SYBU: variants seen among roughly 807,000 people sequenced by gnomAD.
The protein encoded by SYBU is GOLSYN A protein.
A neutral mutation model predicts 35.9 loss-of-function variants in SYBU; 21 were observed. That is an observed-to-expected ratio of 0.58 (90% confidence interval 0.41 to 0.84). The LOEUF (loss-of-function observed/expected upper bound fraction) is 0.84. Among genes scored for constraint, SYBU ranks in the 40% least tolerant of loss-of-function variants. The probability of loss-of-function intolerance (pLI) is 0.00; values close to 1 mark genes in which losing one functional copy is unlikely to be tolerated. For missense variants in SYBU, 768 were observed against 848.2 expected, an observed-to-expected ratio of 0.91 and a Z score of 1.17; for synonymous variants, 319 against 324.3, an observed-to-expected ratio of 0.98 and a Z score of 0.18.
At chr8:109,673,195 T>C (rs1220118010) in intron 1 of SYBU, among the ~76,000 whole-genome samples, 1 of 152,176 alleles carries the variant, frequency 6.6e-6, no homozygotes, top group Non-Finnish European at 1.5e-5. Flanking sequence ...AGGGACAGAC[T>C]GCCTCCTCAA....
Position 109,575,822 on chromosome 8 carries a change from A to G in SYBU, c.1076T>C (p.Phe359Ser). 6.2e-7 allele frequency: 1 copy of G among 1,614,086 alleles called. No individual in the cohort carries two copies. The change falls in exon 7 of 7, where the codon TTT becomes TCT. Residue 359 changes from phenylalanine (F) to serine (S), a missense_variant. Transcript: ENST00000276646. ...CTTGTTTTGGATGTTTATGTCCACA[A>G]AATATTTCTGAATGCCTTTATCTTT... ...ADKDKGIQKYFVDINIQNKKL... is the reference protein window; with the variant it reads ...ADKDKGIQKYSVDINIQNKKL...
In SYBU at chr8:109,642,835, A is replaced by G; in HGVS notation, c.122T>C (p.Val41Ala). ...RPHMPQQQHK[V>A]SPASESPFSE... ...GAAAGGAGACTCAGAGGCTGGGGAC[A>G]CTTTGTGCTGTTGTTGGGGCATATG... The change falls in exon 2 of 7, where the codon GTG (valine) becomes GCG (alanine). Residue 41 changes from valine (V) to alanine (A), a missense_variant. Coordinates refer to ENST00000276646, the MANE Select transcript of SYBU (RefSeq NM_001099754.2). 6.2e-7 allele frequency: 1 copy of G among 1,612,928 alleles called. No homozygotes were observed.
At position 109,619,926 on chromosome 8, in the gene SYBU, A is replaced by G. The variant is rs114665137; in HGVS notation, c.230-887T>C. On this transcript the variant is annotated intron_variant, in intron 2 of 6. Coordinates refer to ENST00000276646, the MANE Select transcript of SYBU (RefSeq NM_001099754.2). ...TCTGGAGTAAACTGGTAAGATGAAAATGATTTTTAGACTAGAAATGTTCCT... is the reference window on the plus strand; with the variant it reads ...TCTGGAGTAAACTGGTAAGATGAAAGTGATTTTTAGACTAGAAATGTTCCT... 8.2e-3 allele frequency among the ~76,000 whole-genome samples: 1,247 copies of G among 152,342 alleles called. 9 individuals carry two copies. The highest frequency in any genetic ancestry group is 0.029 in the African/African-American group (1,189 of 41,580).
intron 1 of SYBU, among the ~76,000 whole-genome samples, chr8:109,690,272 C>G (rs1423446614): frequency 6.6e-6 from 1 of 152,182 alleles, no homozygotes; most frequent in Non-Finnish European, 1.5e-5. Context: ...CTACTGCTCT[C>G]CAAATGTACA....
At chr8:109,686,230 G>C (rs1468225790) in intron 1 of SYBU, among the ~76,000 whole-genome samples, 2 of 150,912 alleles carry the variant, frequency 1.3e-5, no homozygotes, top group African/African-American at 4.9e-5. Context: ...AGCACCCCCC[G>C]ACAGCCTTAC....
chr8:109,605,523 G>A (rs1054448007), intron 3 of SYBU, among the ~76,000 whole-genome samples: 4 of 152,050 alleles, frequency 2.6e-5, no homozygotes, highest in East Asian at 1.9e-4. Flanking sequence ...CACATGCCAC[G>A]TTCTTTCCAG....
At chr8:109,658,986 A>AC (rs1301407209) in intron 1 of SYBU, among the ~76,000 whole-genome samples, 3 of 152,034 alleles carry the variant, frequency 2.0e-5, no homozygotes, top group Non-Finnish European at 2.9e-5. Flanking sequence ...AACAACAACA[A>AC]AAAAAACCTT....
At chr8:109,630,900 A>T (rs1014851066) in intron 2 of SYBU, among the ~76,000 whole-genome samples, 36 of 152,310 alleles carry the variant, frequency 2.4e-4, no homozygotes, top group African/African-American at 8.7e-4. Context: ...GGACAGGAGA[A>T]GAGGCCAACA....
At chr8:109,600,606 G>GT (rs1241006791) in intron 3 of SYBU, among the ~76,000 whole-genome samples, 1 of 152,192 alleles carries the variant, frequency 6.6e-6, no homozygotes, top group Non-Finnish European at 1.5e-5. Context: ...AGGATGGGAG[G>GT]TAGAAGATTG....
At chr8:109,661,591 T>C (rs1816561392) in intron 1 of SYBU, among the ~76,000 whole-genome samples, 1 of 152,132 alleles carries the variant, frequency 6.6e-6, no homozygotes, top group African/African-American at 2.4e-5. Flanking sequence ...GCAAAAGAAA[T>C]GCAGATTGAA....
upstream of SYBU, chr8:109,648,598 A>C (rs1563764022): frequency 6.6e-6 from 1 of 152,170 alleles, no homozygotes; most frequent in Admixed American, 6.5e-5. Flanking sequence ...CAGAGAAGAC[A>C]ATACAAATGC....
intron 3 of SYBU, among the ~76,000 whole-genome samples, chr8:109,611,146 G>A (rs1811122104): frequency 6.6e-6 from 1 of 152,198 alleles, no homozygotes; most frequent in African/African-American, 2.4e-5. Flanking sequence ...CTGGTCTGCT[G>A]GAGCTTCCAC....
At chr8:109,643,813 G>A (rs1301179406) in intron 1 of SYBU, 2 of 334,362 alleles carry the variant, frequency 6.0e-6, no homozygotes, top group Non-Finnish European at 5.9e-6. Flanking sequence ...GAGGAAACAG[G>A]CTAAATGGGG....
chr8:109,656,035 G>A (rs1816340243), intron 1 of SYBU, among the ~76,000 whole-genome samples: 1 of 152,018 alleles, frequency 6.6e-6, no homozygotes, highest in Non-Finnish European at 1.5e-5. Context: ...AGAATCGCTT[G>A]AACCCAGGAA....
intron 4 of SYBU, chr8:109,585,726 G>GA (rs1823534532): frequency 4.7e-6 from 1 of 214,252 alleles, no homozygotes; most frequent in African/African-American, 2.3e-5. Flanking sequence ...TCACAGAGGG[G>GA]AGGTAGGAGG....
intron 3 of SYBU, among the ~76,000 whole-genome samples, chr8:109,592,798 C>T (rs995504851): frequency 1.3e-5 from 2 of 152,152 alleles, no homozygotes; most frequent in Non-Finnish European, 2.9e-5. Context: ...TTATCTAAGC[C>T]TTACTTATAT....
chr8:109,652,383 C>G (rs1240886245), intron 1 of SYBU, among the ~76,000 whole-genome samples: 1 of 146,042 alleles, frequency 6.8e-6, no homozygotes, highest in Non-Finnish European at 1.5e-5. Context: ...TCTACTCTCT[C>G]TCTCTCTCCC....
intron 3 of SYBU, among the ~76,000 whole-genome samples, chr8:109,616,001 TC>T (rs1811724674): frequency 1.6e-4 from 18 of 112,526 alleles, no homozygotes; most frequent in Middle Eastern, 4.2e-3. Flanking sequence ...TCTTTTCTTT[TC>T]TTTCTTTTTT....
At position 109,631,358 on chromosome 8, in the gene SYBU, T is replaced by C. The variant is rs374200419; in HGVS notation, c.229+11370A>G. Among the ~76,000 whole-genome samples, 8 of 152,288 alleles carry C rather than the reference T, an allele frequency of 5.3e-5. No homozygotes were observed. The East Asian group carries it at 9.6e-4, about 18-fold the overall frequency. On this transcript the variant is annotated intron_variant, in intron 2 of 6. Transcript: ENST00000276646. ...GAGAGTGGAGTAATTATTTACTGAG[T>C]GCCTTCCTTGTTTCTTGGAGACAAA...
Sources: allele counts gnomAD v4.1 joint callset (sites outside exome capture counted in the v4.1 genomes callset), GRCh38; gene constraint gnomAD v4.1.1; transcripts MANE v1.5; gene names NCBI Gene and HGNC (gene_info 2026-07-23, HGNC 2026-07-21).